The following TNR variants were observed in gnomAD, a reference collection of about 807,000 sequenced individuals.
The protein encoded by TNR is tenascin R.
Under a neutral mutation model 150.4 loss-of-function variants are expected in TNR, and 45 were observed. The ratio of observed to expected loss-of-function variants is 0.30; its 90% CI spans 0.24 to 0.38. TNR has a LOEUF of 0.38. Among genes scored for constraint, TNR ranks in the 10% least tolerant of loss-of-function variants. The pLI is 1.00. For synonymous variants in TNR, 687 were observed against 678.4 expected (o/e 1.01, Z -0.20); for missense variants, 1,544 against 1,759.1 (o/e 0.88, Z 2.19).
At chr1:175,525,787 G>T (rs543725850) in intron 2 of TNR, among the ~76,000 whole-genome samples, 3 of 152,300 alleles carry the variant, frequency 2.0e-5, no homozygotes, top group Admixed American at 1.3e-4. Context: ...AGCTACATTT[G>T]TTAAGCATTT....
chr1:175,406,313 C>T lies in TNR; in HGVS notation c.402G>A (p.Leu134=), dbSNP rs752998303. The change falls in exon 3 of 23, where the codon CTG becomes CTA. Residue 134 remains leucine (L), a synonymous_variant. Coordinates refer to ENST00000367674, the MANE Select transcript of TNR (RefSeq NM_003285.3). ...TCTCGATCCGGCTCAGCAGCTCCTGCAGCACCTGGGCTGAACTGGCACATG... is the reference window on the plus strand; with the variant it reads ...TCTCGATCCGGCTCAGCAGCTCCTGTAGCACCTGGGCTGAACTGGCACATG... The part of the protein sequence containing the change: ...ACPCASSAQV[L]QELLSRIEML... The T allele has an allele frequency of 3.1e-6, 5 of 1,614,172 alleles. No homozygotes were observed. The highest frequency in any genetic ancestry group is 4.2e-6 in the Non-Finnish European group (5 of 1,180,010).
chr1:175,545,732 G>A (rs1274189838), intron 1 of TNR, among the ~76,000 whole-genome samples: 2 of 152,194 alleles, frequency 1.3e-5, no homozygotes, highest in East Asian at 3.9e-4. Flanking sequence ...ATAAAAGAAG[G>A]CATAGGGATT....
At chr1:175,719,161 A>G (rs1336783624) in intron 1 of TNR, among the ~76,000 whole-genome samples, 1 of 152,196 alleles carries the variant, frequency 6.6e-6, no homozygotes, top group Non-Finnish European at 1.5e-5. Context: ...CATGGGTGAG[A>G]AAAGGCCCAA....
rs188386704 is a variant in TNR at position 175,546,254 on chromosome 1, G to A, written c.-164-17885C>T. ...GCAAGGGCACATGGAAGAAGACCCG[G>A]CTGTTTCTGAAATGAGTTACCCAGG... On this transcript the variant is annotated intron_variant, in intron 1 of 22. Coordinates refer to ENST00000367674, the MANE Select transcript of TNR (RefSeq NM_003285.3). Among the ~76,000 whole-genome samples the A allele has an allele frequency of 1.8e-3, 267 of 152,320 alleles. 3 individuals are homozygous for A. Among genetic ancestry groups the A allele is most frequent in the Non-Finnish European group, 1.2e-4 (8 of 68,032 alleles).
intron 2 of TNR, among the ~76,000 whole-genome samples, chr1:175,419,909 C>A (rs12743133): frequency 6.6e-6 from 1 of 151,942 alleles, no homozygotes; most frequent in Non-Finnish European, 1.5e-5. Context: ...CTTAATTTGC[C>A]GCTCCAGAGC....
Position 175,590,989 on chromosome 1 carries a change from G to A in TNR, c.-164-62620C>T, listed in dbSNP as rs559066945. On this transcript the variant is annotated intron_variant, in intron 1 of 22. Transcript: ENST00000367674. Reference sequence around the variant, plus strand: ...AACCAGGTAACAACAAGGAGTGCAGGGACAGACTGAGAGGACAGCAGTTCC... The same window carrying A: ...AACCAGGTAACAACAAGGAGTGCAGAGACAGACTGAGAGGACAGCAGTTCC... Among the ~76,000 whole-genome samples the A allele has an allele frequency of 3.9e-5, 6 of 152,298 alleles. 1 individual carries two copies. In the South Asian group the frequency reaches 1.2e-3, roughly 32 times the overall value.
intron 1 of TNR, among the ~76,000 whole-genome samples, chr1:175,541,548 A>C (rs1328751696): frequency 1.3e-5 from 2 of 152,258 alleles, no homozygotes; most frequent in African/African-American, 4.8e-5. Context: ...TGAGAATTAA[A>C]GATCATTTGT....
intron 15 of TNR, among the ~76,000 whole-genome samples, chr1:175,358,395 G>A (rs548463185): frequency 6.6e-6 from 1 of 152,350 alleles, no homozygotes; most frequent in East Asian, 1.9e-4. Context: ...AAGACATAAA[G>A]TAGTTTCGAT....
chr1:175,641,167 C>A (rs1434596417), intron 1 of TNR, among the ~76,000 whole-genome samples: 2 of 152,116 alleles, frequency 1.3e-5, no homozygotes, highest in Admixed American at 1.3e-4. Flanking sequence ...AGTAGGAAAA[C>A]AACGCATCTT....
At position 175,317,269 on chromosome 1, in the gene TNR, C is replaced by G. The variant is rs1648872672; in HGVS notation, c.*6088G>C. On this transcript the variant is annotated 3_prime_UTR_variant, in exon 23 of 23. Transcript: ENST00000367674. ...AAGCCTATACCAGACCCGAACTCAGCTCTGTTACTAATTGCCTGTGTGAAT... is the reference window on the plus strand; with the variant it reads ...AAGCCTATACCAGACCCGAACTCAGGTCTGTTACTAATTGCCTGTGTGAAT... 6.6e-6 allele frequency: 1 copy of G among 152,208 alleles called. No homozygotes were observed. Among genetic ancestry groups the G allele is most frequent in the African/African-American group, 2.4e-5 (1 of 41,462 alleles). The allele number at this position is 152,208 out of a possible 1,614,324, so 9.4% of individuals were successfully genotyped here. A position where few individuals can be genotyped will look rare whatever the true frequency, so the allele number is the denominator to read the frequency against.
chr1:175,434,544 A>G (rs563381480), intron 2 of TNR, among the ~76,000 whole-genome samples: 30 of 152,284 alleles, frequency 2.0e-4, no homozygotes, highest in African/African-American at 6.7e-4. Context: ...AAAGTTTATC[A>G]AGTTACTGAA....
chr1:175,357,267 G>A (rs1403886549), intron 15 of TNR, among the ~76,000 whole-genome samples: 3 of 152,314 alleles, frequency 2.0e-5, no homozygotes, highest in Non-Finnish European at 4.4e-5. Flanking sequence ...TGGTAAGCAT[G>A]TCTTCTCTGA....
At chr1:175,644,700 G>A (rs1048880974) in intron 1 of TNR, among the ~76,000 whole-genome samples, 3 of 152,210 alleles carry the variant, frequency 2.0e-5, no homozygotes, top group African/African-American at 7.2e-5. Flanking sequence ...CTGGCATGGG[G>A]CCAGGCACAC....
intron 1 of TNR, among the ~76,000 whole-genome samples, chr1:175,649,759 C>T (rs920691010): frequency 2.6e-5 from 4 of 152,110 alleles, no homozygotes; most frequent in African/African-American, 9.7e-5. Flanking sequence ...TCTGAGTCTC[C>T]GTAGCACCTC....
intron 2 of TNR, among the ~76,000 whole-genome samples, chr1:175,468,353 A>G (rs1273682151): frequency 6.6e-6 from 1 of 152,186 alleles, no homozygotes; most frequent in Non-Finnish European, 1.5e-5. Context: ...GTGCAACTTA[A>G]TTGAGGTGAC....
chr1:175,622,999 T>G (rs150830867), intron 1 of TNR, among the ~76,000 whole-genome samples: 3 of 152,302 alleles, frequency 2.0e-5, no homozygotes, highest in Admixed American at 6.5e-5. Flanking sequence ...CCATCCTAAT[T>G]ACATCTGCAA....
chr1:175,442,529 AC>A (rs1014836174), intron 2 of TNR, among the ~76,000 whole-genome samples: 2 of 151,704 alleles, frequency 1.3e-5, no homozygotes, highest in Non-Finnish European at 2.9e-5. Context: ...CTCAAGGCCA[AC>A]TCAGACACAA....
intron 1 of TNR, among the ~76,000 whole-genome samples, chr1:175,633,427 G>A (rs1664395530): frequency 6.6e-6 from 1 of 152,122 alleles, no homozygotes; most frequent in Non-Finnish European, 1.5e-5. Context: ...GAGGAATGGT[G>A]GGGAAGAAGG....
Position 175,356,362 on chromosome 1 carries a change from A to C in TNR, c.3075T>G (p.Asn1025Lys), listed in dbSNP as rs139164267. Residue 1025 changes from asparagine (N) to lysine (K), a missense_variant, in exon 16 of 23, where the codon AAT (asparagine) becomes AAG (lysine). Physicochemically the swap from Asn to Lys is moderately conservative, Grantham distance 94. This residue lies in a region of TNR where 1,254 missense variants were observed against 1,329.4 expected (regional missense o/e 0.94). Transcript: ENST00000367674. ...TGATGGTGCCACTGGTGAGAGGTCC[A>C]TTGGTGGCATACATGGTGGCAGTAT... is the stretch of plus-strand genomic sequence containing the variant. ...THYTATMYAT[N>K]GPLTSGTIST... 1 of 1,614,082 alleles carries C rather than the reference A, an allele frequency of 6.2e-7. No individual in the cohort carries two copies. Among genetic ancestry groups the C allele is most frequent in the South Asian group, 1.1e-5 (1 of 91,082 alleles).
Sources: allele counts gnomAD v4.1 joint callset (sites outside exome capture counted in the v4.1 genomes callset), GRCh38; gene constraint gnomAD v4.1.1; regional missense constraint gnomAD v4.1.1; transcripts MANE v1.5; gene names NCBI Gene and HGNC (gene_info 2026-07-23, HGNC 2026-07-21).